RETREG1: variants seen among roughly 807,000 people sequenced by gnomAD.
RETREG1 encodes the protein reticulophagy regulator 1.
Under a neutral mutation model 54.8 loss-of-function variants are expected in RETREG1, and 44 were observed. That is an observed-to-expected ratio of 0.80 (90% CI 0.63 to 1.03). The LOEUF is 1.03. Ranked by LOEUF, RETREG1 falls within the 50% of genes least tolerant of loss-of-function variation. The probability of loss-of-function intolerance (pLI) is 0.00; values close to 1 mark genes in which losing one functional copy is unlikely to be tolerated. For synonymous variants in RETREG1, 217 were observed against 238.5 expected (o/e 0.91, Z 0.83); for missense variants, 554 against 605.1 (o/e 0.92, Z 0.89).
chr5:16,549,592 T>G (rs1741476829), intron 3 of RETREG1, among the ~76,000 whole-genome samples: 1 of 152,164 alleles, frequency 6.6e-6, no homozygotes. Flanking sequence ...TTACTGAGTC[T>G]TCATTATATA....
At chr5:16,497,598 C>T (rs1250554991) in intron 3 of RETREG1, among the ~76,000 whole-genome samples, 2 of 152,178 alleles carry the variant, frequency 1.3e-5, no homozygotes, top group African/African-American at 2.4e-5. Flanking sequence ...GCAGATAAAA[C>T]TCAAGGTCAC....
intron 3 of RETREG1, among the ~76,000 whole-genome samples, chr5:16,557,954 T>C (rs1025755830): frequency 2.6e-5 from 4 of 152,066 alleles, no homozygotes; most frequent in African/African-American, 9.7e-5. Flanking sequence ...CCTTCATGAA[T>C]GGATTGTTTT....
At chr5:16,501,641 C>T (rs1739720581) in intron 3 of RETREG1, among the ~76,000 whole-genome samples, 1 of 151,998 alleles carries the variant, frequency 6.6e-6, no homozygotes. Flanking sequence ...CTCCCAGGTT[C>T]AGGCAATTCT....
At chr5:16,498,039 T>C (rs983790871) in intron 3 of RETREG1, among the ~76,000 whole-genome samples, 4 of 152,230 alleles carry the variant, frequency 2.6e-5, no homozygotes, top group African/African-American at 9.6e-5. Flanking sequence ...AATTTCTCTA[T>C]GCATTCATTT....
chr5:16,526,922 T>C (rs1437018354), intron 3 of RETREG1, among the ~76,000 whole-genome samples: 3 of 152,150 alleles, frequency 2.0e-5, no homozygotes, highest in Non-Finnish European at 4.4e-5. Flanking sequence ...TACAGACAAC[T>C]AACACTCACA....
chr5:16,525,246 C>A (rs1438406977), intron 3 of RETREG1, among the ~76,000 whole-genome samples: 23 of 150,162 alleles, frequency 1.5e-4, no homozygotes, highest in East Asian at 6.0e-4. Context: ...CTGTGCTGAC[C>A]TGCATCCTCT....
rs918857475 is a variant in RETREG1, at chr5:16,473,362, TAAATA to T, written c.*1374_*1378del. On this transcript the variant is annotated 3_prime_UTR_variant, in exon 9 of 9. Coordinates refer to ENST00000306320, the MANE Select transcript of RETREG1 (RefSeq NM_001034850.3). Reference sequence around the variant, plus strand: ...ATTTTAATACCTCAGAAAGAAAAAATAAATAAGAGTAGCTACATTAAAATGTCAGA... The same window carrying T: ...ATTTTAATACCTCAGAAAGAAAAAATAGAGTAGCTACATTAAAATGTCAGA... 1.3e-5 allele frequency: 2 copies of T among 151,918 alleles called. No homozygotes were observed. The highest frequency in any genetic ancestry group is 4.9e-5 in the African/African-American group (2 of 40,874). The allele number at this position is 151,918 out of a possible 1,614,324, so 9.4% of individuals were successfully genotyped here. A position where few individuals can be genotyped will look rare whatever the true frequency, so the allele number is the denominator to read the frequency against.
At chr5:16,536,187 C>A (rs1382754191) in intron 3 of RETREG1, among the ~76,000 whole-genome samples, 5 of 152,202 alleles carry the variant, frequency 3.3e-5, no homozygotes, top group African/African-American at 1.2e-4. Context: ...TAAACTCCCA[C>A]CTACTTCACT....
intron 3 of RETREG1, among the ~76,000 whole-genome samples, chr5:16,528,439 T>C (rs1460937110): frequency 6.6e-6 from 1 of 152,160 alleles, no homozygotes; most frequent in Non-Finnish European, 1.5e-5. Context: ...CACCCCAGGT[T>C]CAAGGTCACC....
At chr5:16,565,917 C>T in intron 2 of RETREG1, 124 bp from the exon 3 acceptor site, 9 of 1,022,900 alleles carry the variant, frequency 8.8e-6, no homozygotes, top group Non-Finnish European at 1.3e-5. Context: ...ACTCAGGACA[C>T]CATCAAGTCA....
chr5:16,554,807 G>T (rs1208965765), intron 3 of RETREG1, among the ~76,000 whole-genome samples: 1 of 152,130 alleles, frequency 6.6e-6, no homozygotes, highest in Non-Finnish European at 1.5e-5. Context: ...TACATACCAT[G>T]AATAACAAAA....
intron 3 of RETREG1, among the ~76,000 whole-genome samples, chr5:16,549,739 T>C (rs1364720124): frequency 1.3e-5 from 2 of 152,218 alleles, no homozygotes; most frequent in African/African-American, 4.8e-5. Context: ...GATGTTCAGC[T>C]TAATAAGCTA....
chr5:16,533,579 G>T (rs1365998695), intron 3 of RETREG1, among the ~76,000 whole-genome samples: 2 of 152,094 alleles, frequency 1.3e-5, no homozygotes, highest in Non-Finnish European at 2.9e-5. Context: ...CCCAAAGGGA[G>T]CCCCAAGGTG....
intron 5 of RETREG1, among the ~76,000 whole-genome samples, chr5:16,479,963 T>A (rs964526479): frequency 6.6e-6 from 1 of 152,018 alleles, no homozygotes; most frequent in African/African-American, 2.4e-5. Flanking sequence ...TTTAATAACA[T>A]TTTTGGGTGG....
intron 1 of RETREG1, 67 bp from the exon 2 acceptor site, chr5:16,572,169 A>C (rs894768100): frequency 9.2e-6 from 10 of 1,089,800 alleles, no homozygotes; most frequent in Non-Finnish European, 1.4e-5. Flanking sequence ...AATTGGGTTT[A>C]CTTCCTGCCA....
At chr5:16,558,712 C>T (rs1033503914) in intron 3 of RETREG1, among the ~76,000 whole-genome samples, 59 of 152,332 alleles carry the variant, frequency 3.9e-4, no homozygotes, top group African/African-American at 1.4e-3. Flanking sequence ...CAAATTCAAA[C>T]TGTGAAGTCT....
chr5:16,508,629 T>C lies in RETREG1; in HGVS notation c.459-25157A>G, dbSNP rs747946032. 7 of 1,613,992 alleles carry C rather than the reference T, an allele frequency of 4.3e-6. No individual in the cohort carries two copies. The East Asian group carries it at 1.3e-4, about 31-fold the overall frequency. On this transcript the variant is annotated intron_variant, in intron 3 of 8. Transcript: ENST00000306320. ...TTCAGGCATTTCTGCCCTTTAAAAA[T>C]AATAACAGTGGCAAAGGCTGCAGCA... is the stretch of plus-strand genomic sequence containing the variant.
intron 3 of RETREG1, among the ~76,000 whole-genome samples, chr5:16,496,476 G>A (rs1284119063): frequency 6.6e-6 from 1 of 152,108 alleles, no homozygotes; most frequent in East Asian, 1.9e-4. Context: ...TTAAAGTCAT[G>A]GCCTGCAAGT....
intron 3 of RETREG1, among the ~76,000 whole-genome samples, chr5:16,540,304 C>T (rs1741204361): frequency 6.6e-6 from 1 of 152,194 alleles, no homozygotes; most frequent in Non-Finnish European, 1.5e-5. Context: ...ATAAATTATC[C>T]TTATTAGCCT....
Sources: gnomAD v4.1 joint callset for allele counts (sites outside exome capture counted in the v4.1 genomes callset) on GRCh38, gnomAD v4.1.1 for gene constraint, MANE v1.5 for transcripts, NCBI Gene and HGNC (gene_info 2026-07-23, HGNC 2026-07-21) for gene names.